Variants in PAX2 observed in about 807,000 individuals in gnomAD.
The protein encoded by PAX2 is paired box 2.
Under a neutral mutation model 41.7 loss-of-function variants are expected in PAX2, and 9 were observed. The observed-to-expected ratio is 0.22, with a 90% CI of 0.13 to 0.38. The LOEUF (loss-of-function observed/expected upper bound fraction) is 0.38. PAX2 is among the 10% of genes least tolerant of loss of function. The pLI is 1.00. For synonymous variants in PAX2, 221 were observed against 212.7 expected, an observed-to-expected ratio of 1.04 and a Z score of -0.34; for missense variants, 418 against 531.6, an observed-to-expected ratio of 0.79 and a Z score of 2.10.
At chr10:100,802,395 G>A (rs947473170) in intron 5 of PAX2, among the ~76,000 whole-genome samples, 2 of 152,190 alleles carry the variant, frequency 1.3e-5, no homozygotes, top group Non-Finnish European at 1.5e-5. Flanking sequence ...GGAACACAGT[G>A]TTCTCTGTCT....
In PAX2 at chr10:100,750,909, G is replaced by C. The variant is rs1564707193; in HGVS notation, c.410+18G>C. 2 of 1,605,024 alleles carry C rather than the reference G, an allele frequency of 1.2e-6. No individual in the cohort carries two copies. Among genetic ancestry groups the C allele is most frequent in the African/African-American group, 2.7e-5 (2 of 74,772 alleles). The stretch of plus-strand genomic sequence containing the variant: ...ATCAACAGGTGAGCAAGCCACCCGG[G>C]TTTTCAGGGCTGGACTCCAGCTCCT... On this transcript the variant is annotated intron_variant, in intron 3 of 9. Coordinates refer to ENST00000355243, the MANE Select transcript of PAX2 (RefSeq NM_000278.5). This position sits in a 1 kb window ranked among gnomAD's most constrained non-coding sequence, Gnocchi z 4.1.
rs1564750548 is a variant in PAX2 at position 100,829,847 on chromosome 10, C to T, written c.*2228C>T. The stretch of plus-strand genomic sequence containing the variant: ...CCCGGACGGTTCTGGTCTCCTCGGC[C>T]ACTTTCAGTGCGTCGGTTCGTTTTG... On this transcript the variant is annotated 3_prime_UTR_variant, in exon 10 of 10. Transcript: ENST00000355243. The T allele has an allele frequency of 5.2e-6, 1 of 191,772 alleles. No individual in the cohort carries two copies. The allele number at this position is 191,772 out of a possible 1,614,324, so 11.9% of individuals were successfully genotyped here. A position where few individuals can be genotyped will look rare whatever the true frequency, so the allele number is the denominator to read the frequency against.
At chr10:100,784,015 C>G (rs1846748345) in intron 5 of PAX2, among the ~76,000 whole-genome samples, 1 of 152,106 alleles carries the variant, frequency 6.6e-6, no homozygotes, top group South Asian at 2.1e-4. Context: ...CTGACCTCCC[C>G]CTCCAATCCT....
chr10:100,823,726 T>C (rs1020106343), intron 7 of PAX2, among the ~76,000 whole-genome samples: 2 of 151,912 alleles, frequency 1.3e-5, no homozygotes, highest in African/African-American at 4.8e-5. Context: ...TTATTAGAGA[T>C]CAGAGCATGC....
intron 1 of PAX2, among the ~76,000 whole-genome samples, chr10:100,746,553 T>C: frequency 6.6e-6 from 1 of 152,222 alleles, no homozygotes; most frequent in Non-Finnish European, 1.5e-5. Flanking sequence ...CCCTATCACC[T>C]GCCTTTGCTC....
At chr10:100,756,625 G>A (rs985871231) in intron 3 of PAX2, among the ~76,000 whole-genome samples, 1 of 152,204 alleles carries the variant, frequency 6.6e-6, no homozygotes, top group African/African-American at 2.4e-5. Flanking sequence ...TAGATTAGCT[G>A]TATTCAATGC....
At chr10:100,749,584 T>A in intron 1 of PAX2, 162 bp from the exon 2 acceptor site, 2 of 1,424,536 alleles carry the variant, frequency 1.4e-6, no homozygotes, top group South Asian at 3.1e-5. Context: ...CAGTCCCCAC[T>A]CCTCCGCGTG....
At chr10:100,769,722 A>G (rs1380585686) in intron 3 of PAX2, among the ~76,000 whole-genome samples, 1 of 151,762 alleles carries the variant, frequency 6.6e-6, no homozygotes, top group Non-Finnish European at 1.5e-5. Context: ...ATTATTAATA[A>G]TAATATTCAT....
At chr10:100,770,567 G>A (rs1355864413) in intron 3 of PAX2, among the ~76,000 whole-genome samples, 7 of 152,098 alleles carry the variant, frequency 4.6e-5, no homozygotes, top group Non-Finnish European at 1.5e-5. Flanking sequence ...CATCACTATT[G>A]CCCCCTTGGG....
intron 7 of PAX2, among the ~76,000 whole-genome samples, chr10:100,816,060 T>G (rs1848176168): frequency 6.6e-6 from 1 of 152,208 alleles, no homozygotes; most frequent in African/African-American, 2.4e-5. Flanking sequence ...ATCTCTTCCC[T>G]CTGTCCGTGA....
At chr10:100,753,994 A>C (rs1845542953) in intron 3 of PAX2, among the ~76,000 whole-genome samples, 1 of 152,254 alleles carries the variant, frequency 6.6e-6, no homozygotes, top group Non-Finnish European at 1.5e-5. Flanking sequence ...CTTTCTAAAC[A>C]TTGGGTTACC....
rs1054691602 is a variant in PAX2 at position 100,745,984 on chromosome 10, C to G, written c.-277C>G. 2.2e-6 allele frequency: 3 copies of G among 1,344,364 alleles called. No homozygotes were observed. The highest frequency in any genetic ancestry group is 2.8e-6 in the Non-Finnish European group (3 of 1,052,792). The allele number at this position is 1,344,364 out of a possible 1,614,324, so 83.3% of individuals were successfully genotyped here. ...CATGCGCCCCCAGTGCACCCCGGCC[C>G]GGCCCACCGCCCCGGGGCCATTCTG... On this transcript the variant is annotated 5_prime_UTR_variant, in exon 1 of 10. Transcript: ENST00000355243.
At chr10:100,779,044 G>A (rs567284681) in intron 3 of PAX2, among the ~76,000 whole-genome samples, 2 of 152,254 alleles carry the variant, frequency 1.3e-5, no homozygotes, top group Admixed American at 1.3e-4. Context: ...GAAGGACTGT[G>A]ACACAGTCCC....
intron 4 of PAX2, 30 bp downstream of exon 4, chr10:100,779,613 C>G (rs746022143): frequency 5.3e-6 from 8 of 1,497,346 alleles, no homozygotes; most frequent in Non-Finnish European, 6.4e-6. Flanking sequence ...GGGAGGAAAC[C>G]AGATCCCACC....
chr10:100,740,903 C>G (rs1335204313), upstream of PAX2, among the ~76,000 whole-genome samples: 1 of 152,258 alleles, frequency 6.6e-6, no homozygotes. Context: ...TTCACTCTTA[C>G]TCTCTAGACC....
In PAX2 at chr10:100,828,397, G is replaced by C. The variant is rs1403677301; in HGVS notation, c.*778G>C. On this transcript the variant is annotated 3_prime_UTR_variant, in exon 10 of 10. Transcript: ENST00000355243. This position sits in a 1 kb window ranked among gnomAD's most constrained non-coding sequence, Gnocchi z 6.5. ...GGCCTGCCTAGTTCCCCAGGGCCCG[G>C]CACCTCCTGCTGCGAGACCCGGCTC... 5 of 233,770 alleles carry C rather than the reference G, an allele frequency of 2.1e-5. No individual in the cohort carries two copies. In the East Asian group the frequency reaches 3.0e-4, roughly 14 times the overall value. The allele number at this position is 233,770 out of a possible 1,614,324, so 14.5% of individuals were successfully genotyped here.
chr10:100,737,881 G>T (rs956301924), intron 1 of PAX2, among the ~76,000 whole-genome samples: 3 of 152,236 alleles, frequency 2.0e-5, no homozygotes, highest in Non-Finnish European at 4.4e-5. Context: ...AAGGATGCGG[G>T]TTTTACTTAG....
At chr10:100,820,795 T>A (rs534817112) in intron 7 of PAX2, among the ~76,000 whole-genome samples, 1 of 152,378 alleles carries the variant, frequency 6.6e-6, no homozygotes, top group Admixed American at 6.5e-5. Context: ...TGTAATAATA[T>A]GTGGGGTTTT....
At chr10:100,746,393 A>G (rs1045614434) in intron 1 of PAX2, 90 bp downstream of exon 1, 47 of 914,106 alleles carry the variant, frequency 5.1e-5, no homozygotes, top group Non-Finnish European at 8.5e-5. Flanking sequence ...CCTCGCGCTC[A>G]GGTCCCATCT....
Sources: allele counts gnomAD v4.1 joint callset (sites outside exome capture counted in the v4.1 genomes callset), GRCh38; gene constraint gnomAD v4.1.1; non-coding constraint Gnocchi (gnomAD v3.1); transcripts MANE v1.5; gene names NCBI Gene and HGNC (gene_info 2026-07-23, HGNC 2026-07-21).